Variants in KHDRBS2 observed in about 807,000 individuals in gnomAD.
KHDRBS2 encodes KH RNA binding domain containing, signal transduction associated 2.
In KHDRBS2, 26 loss-of-function variants were observed where a neutral mutation model predicts 44.3. The ratio of observed to expected loss-of-function variants is 0.59; its 90% confidence interval spans 0.43 to 0.81. The LOEUF (loss-of-function observed/expected upper bound fraction) is 0.81. Ranked by LOEUF, KHDRBS2 falls within the 40% of genes least tolerant of loss-of-function variation. The pLI is 0.00. For missense variants in KHDRBS2, 476 were observed against 433.1 expected (o/e 1.10, Z -0.88); for synonymous variants, 194 against 151.1 (o/e 1.28, Z -2.08).
At chr6:61,923,981 GAAA>G (rs1418283392) in intron 4 of KHDRBS2, among the ~76,000 whole-genome samples, 1 of 151,882 alleles carries the variant, frequency 6.6e-6, no homozygotes, top group South Asian at 2.1e-4. Context: ...AAAAGATACA[GAAA>G]AAATTGTATT....
the KHDRBS2 span, among the ~76,000 whole-genome samples, chr6:61,631,275 T>C: frequency 9.6e-5 from 11 of 115,104 alleles, no homozygotes; most frequent in African/African-American, 3.4e-4. Context: ...AGGAAACTTA[T>C]ATCTTTACAG....
At chr6:61,735,545 T>C (rs901839874) in intron 6 of KHDRBS2, among the ~76,000 whole-genome samples, 1 of 152,188 alleles carries the variant, frequency 6.6e-6, no homozygotes, top group African/African-American at 2.4e-5. Flanking sequence ...TTGATGATTA[T>C]ATCTGTTTAG....
intron 6 of KHDRBS2, among the ~76,000 whole-genome samples, chr6:61,765,721 A>C (rs1257247443): frequency 2.0e-5 from 3 of 152,056 alleles, no homozygotes; most frequent in African/African-American, 7.2e-5. Context: ...AATTTTATCA[A>C]ATGCTTTTTC....
chr6:61,750,786 A>G (rs761535918), intron 6 of KHDRBS2, among the ~76,000 whole-genome samples: 10 of 149,584 alleles, frequency 6.7e-5, no homozygotes, highest in Non-Finnish European at 1.5e-4. Context: ...AACATCTAGG[A>G]GGCAATACAT....
chr6:62,005,632 C>T (rs1430864151), intron 3 of KHDRBS2, among the ~76,000 whole-genome samples: 1 of 150,064 alleles, frequency 6.7e-6, no homozygotes, highest in African/African-American at 2.4e-5. Flanking sequence ...TAAGCTTTTG[C>T]AAGTGAGTAT....
intron 4 of KHDRBS2, among the ~76,000 whole-genome samples, chr6:61,959,583 A>G (rs567428491): frequency 9.9e-5 from 15 of 152,274 alleles, no homozygotes; most frequent in Non-Finnish European, 1.5e-4. Flanking sequence ...GTTTCATGAG[A>G]TTATATAGTC....
intron 1 of KHDRBS2, among the ~76,000 whole-genome samples, chr6:62,196,976 A>G (rs1199022385): frequency 6.6e-6 from 1 of 152,196 alleles, no homozygotes. Context: ...CGTTCATTCT[A>G]TAGTCTACTT....
chr6:61,965,739 C>T (rs1192953896), intron 4 of KHDRBS2, among the ~76,000 whole-genome samples: 1 of 151,768 alleles, frequency 6.6e-6, no homozygotes, highest in Non-Finnish European at 1.5e-5. Context: ...AGTTGTCCTA[C>T]TTTAGAGGAT....
chr6:61,730,984 T>A (rs1484240422), intron 7 of KHDRBS2, among the ~76,000 whole-genome samples: 2 of 152,086 alleles, frequency 1.3e-5, no homozygotes, highest in Non-Finnish European at 2.9e-5. Context: ...CAGAAAATTA[T>A]TCCAAAATTT....
intron 2 of KHDRBS2, among the ~76,000 whole-genome samples, chr6:62,092,257 A>G (rs1799631443): frequency 6.6e-6 from 1 of 152,050 alleles, no homozygotes; most frequent in Non-Finnish European, 1.5e-5. Flanking sequence ...AACTCACCCA[A>G]ATGGCATTTA....
At chr6:61,885,179 G>T (rs1160094427) in intron 6 of KHDRBS2, among the ~76,000 whole-genome samples, 2 of 151,752 alleles carry the variant, frequency 1.3e-5, no homozygotes, top group African/African-American at 2.4e-5. Flanking sequence ...ATATGACAAT[G>T]ATTTTGATAA....
chr6:61,684,856 C>T (rs1452403359), intron 8 of KHDRBS2, among the ~76,000 whole-genome samples: 2 of 151,422 alleles, frequency 1.3e-5, no homozygotes, highest in Non-Finnish European at 2.9e-5. Flanking sequence ...CCTTTTTTGG[C>T]TTCCAATTCA....
chr6:61,817,527 T>A (rs1647504213), intron 6 of KHDRBS2, among the ~76,000 whole-genome samples: 1 of 152,154 alleles, frequency 6.6e-6, no homozygotes, highest in Admixed American at 6.6e-5. Flanking sequence ...CTAAAGAAAG[T>A]AAAATGCATT....
chr6:61,793,175 T>C (rs1784861295), intron 6 of KHDRBS2, among the ~76,000 whole-genome samples: 1 of 151,954 alleles, frequency 6.6e-6, no homozygotes, highest in Non-Finnish European at 1.5e-5. Context: ...TTAGCAAATA[T>C]GTTGGGACAG....
At chr6:61,982,304 C>A (rs1375856711) in intron 3 of KHDRBS2, among the ~76,000 whole-genome samples, 1 of 152,052 alleles carries the variant, frequency 6.6e-6, no homozygotes, top group Non-Finnish European at 1.5e-5. Flanking sequence ...AAACGGGATT[C>A]CCTCTGAGAC....
intron 2 of KHDRBS2, among the ~76,000 whole-genome samples, chr6:62,069,393 T>G (rs1794474337): frequency 1.3e-5 from 2 of 151,744 alleles, no homozygotes. Flanking sequence ...GCATAGTCTG[T>G]GTGAAATGGC....
At chr6:61,630,536 G>T in the KHDRBS2 span, 1 of 152,234 alleles carries the variant, frequency 6.6e-6, no homozygotes, top group African/African-American at 2.4e-5. Context: ...GATTCAGAAA[G>T]GCTGCCTAGG....
intron 6 of KHDRBS2, among the ~76,000 whole-genome samples, chr6:61,811,632 T>A (rs1788131455): frequency 6.6e-6 from 1 of 152,172 alleles, no homozygotes. Context: ...GACTTTCTAA[T>A]AGACAGTCTG....
intron 4 of KHDRBS2, among the ~76,000 whole-genome samples, chr6:61,921,460 G>T (rs558512063): frequency 4.6e-5 from 7 of 152,030 alleles, no homozygotes; most frequent in African/African-American, 1.7e-4. Context: ...TTGGACTCTG[G>T]TTGGCAACTT....
Sources: allele counts gnomAD v4.1 joint callset (sites outside exome capture counted in the v4.1 genomes callset), GRCh38; gene constraint gnomAD v4.1.1; transcripts MANE v1.5; gene names NCBI Gene and HGNC (gene_info 2026-07-23, HGNC 2026-07-21).